RBBP4: variants seen among roughly 807,000 people sequenced by gnomAD.
The protein encoded by RBBP4 is RB binding protein 4, chromatin remodeling factor, also known as histone-binding protein RBBP4.
A neutral mutation model predicts 57.2 loss-of-function variants in RBBP4; 3 were observed. The ratio of observed to expected loss-of-function variants is 0.05; its 90% CI spans 0.02 to 0.14. The LOEUF is 0.14. Ranked by LOEUF, RBBP4 falls within the 10% of genes least tolerant of loss-of-function variation. The probability of loss-of-function intolerance (pLI) is 1.00; values close to 1 mark genes in which losing one functional copy is unlikely to be tolerated. For missense variants in RBBP4, 107 were observed against 520.6 expected (o/e 0.21, Z 7.73); for synonymous variants, 151 against 171.5 (o/e 0.88, Z 0.93).
At chr1:32,664,151 A>C (rs1648548033) in intron 3 of RBBP4, among the ~76,000 whole-genome samples, 1 of 152,074 alleles carries the variant, frequency 6.6e-6, no homozygotes, top group Non-Finnish European at 1.5e-5. Context: ...CATAGTCTTG[A>C]TCTCCTGAAC....
In RBBP4 at chr1:32,680,246, G is replaced by A. The variant is rs777880789; in HGVS notation, c.*541G>A. 13 of 1,168,790 alleles carry A rather than the reference G, an allele frequency of 1.1e-5. No individual in the cohort carries two copies. The highest frequency in any genetic ancestry group is 3.5e-4 in the Middle Eastern group (1 of 2,840). 72.4% of individuals were successfully genotyped at this position (1,168,790 alleles called of 1,614,324 possible). ...TTCTTCAGTTAAGTCAAAACAACAC[G>A]TTCCTCTTTCCCCATATATTCATAT... On this transcript the variant is annotated 3_prime_UTR_variant, in exon 12 of 12. Coordinates refer to ENST00000373493, the MANE Select transcript of RBBP4 (RefSeq NM_005610.3).
In RBBP4 at chr1:32,668,768, C is replaced by T; in HGVS notation, c.514C>T (p.Arg172Cys). Reference sequence around the variant, plus strand: ...TTCTGGAGAGTGCAACCCAGACTTGCGTCTCCGTGGACATCAGAAGGAAGG... The same window carrying T: ...TTCTGGAGAGTGCAACCCAGACTTGTGTCTCCGTGGACATCAGAAGGAAGG... ...DPSGECNPDL[R>C]LRGHQKEGYG... The change falls in exon 5 of 12, where the codon CGT becomes TGT. Residue 172 changes from arginine (R) to cysteine (C), a missense_variant. By Grantham distance (180) the Arg-to-Cys change is radical. Coordinates refer to ENST00000373493, the MANE Select transcript of RBBP4 (RefSeq NM_005610.3). The T allele has an allele frequency of 6.2e-7, 1 of 1,613,194 alleles. No individual in the cohort carries two copies. The highest frequency in any genetic ancestry group is 1.1e-5 in the South Asian group (1 of 91,024).
chr1:32,681,627 C>T lies in RBBP4; in HGVS notation c.*1922C>T. Reference sequence around the variant, plus strand: ...GGTGCATTGAGATCAGTATCAACAGCAGATGAAATAGAATCCAGCAAAGAG... The same window carrying T: ...GGTGCATTGAGATCAGTATCAACAGTAGATGAAATAGAATCCAGCAAAGAG... On this transcript the variant is annotated 3_prime_UTR_variant, in exon 12 of 12. Coordinates refer to ENST00000373493, the MANE Select transcript of RBBP4 (RefSeq NM_005610.3). 3.1e-6 allele frequency: 2 copies of T among 640,020 alleles called. No individual in the cohort carries two copies. Among genetic ancestry groups the T allele is most frequent in the South Asian group, 2.0e-5 (1 of 50,498 alleles). The allele number at this position is 640,020 out of a possible 1,614,324, so 39.6% of individuals were successfully genotyped here.
intron 3 of RBBP4, among the ~76,000 whole-genome samples, chr1:32,662,609 C>T (rs1197826056): frequency 3.3e-5 from 5 of 150,386 alleles, no homozygotes; most frequent in African/African-American, 7.3e-5. Context: ...CTCCTGACCT[C>T]GTGATCCACC....
chr1:32,682,809 A>G lies in RBBP4; in HGVS notation c.*3104A>G, dbSNP rs557141683. 1 of 152,246 alleles carries G rather than the reference A, an allele frequency of 6.6e-6. No individual in the cohort carries two copies. The highest frequency in any genetic ancestry group is 6.5e-5 in the Admixed American group (1 of 15,278). 9.4% of individuals were successfully genotyped at this position (152,246 alleles called of 1,614,324 possible). On this transcript the variant is annotated 3_prime_UTR_variant, in exon 12 of 12. Transcript: ENST00000373493. ...TTGTGAATTTGATGTAAGCTTAGGA[A>G]ATGAATAAAATTTATAGGCATCTGT...
At chr1:32,675,051 A>C (rs1326570373) in intron 11 of RBBP4, among the ~76,000 whole-genome samples, 1 of 149,920 alleles carries the variant, frequency 6.7e-6, no homozygotes, top group Non-Finnish European at 1.5e-5. Flanking sequence ...TATTTTTGAG[A>C]CGGAGTTTTG....
Position 32,672,946 on chromosome 1 carries a change from CAT to C in RBBP4, c.1212+47_1212+48del, listed in dbSNP as rs747164419. The C allele has an allele frequency of 2.3e-5, 32 of 1,405,994 alleles. No homozygotes were observed. The South Asian group carries it at 3.7e-4, about 16-fold the overall frequency. 87.1% of individuals were successfully genotyped at this position (1,405,994 alleles called of 1,614,324 possible). ...TTTTGGGGAGGTGAAATAAGTGAGA[CAT>C]AGAATCAATTTACATTTGTATATTT... On this transcript the variant is annotated intron_variant, in intron 11 of 11. Transcript: ENST00000373493.
rs549213457 is a variant in RBBP4 at position 32,685,880 on chromosome 1, A to G, written c.*6175A>G. The G allele has an allele frequency of 1.4e-4, 22 of 152,346 alleles. No homozygotes were observed. The highest frequency in any genetic ancestry group is 5.3e-4 in the African/African-American group (22 of 41,584). The allele number at this position is 152,346 out of a possible 1,614,324, so 9.4% of individuals were successfully genotyped here. ...TTAATCCTGTGTTAACCACTAGATT[A>G]ACTTTACAATCAACTCAAAATCCTT... On this transcript the variant is annotated 3_prime_UTR_variant, in exon 12 of 12. Coordinates refer to ENST00000373493, the MANE Select transcript of RBBP4 (RefSeq NM_005610.3).
At chr1:32,676,080 C>T (rs889763584) in intron 11 of RBBP4, among the ~76,000 whole-genome samples, 1 of 151,950 alleles carries the variant, frequency 6.6e-6, no homozygotes. Context: ...GAGGCCGTGA[C>T]AGAAGGATCC....
rs1557849830 is a variant in RBBP4 at position 32,653,656 on chromosome 1, TTTTGTTTTTG to T, written c.164+1599_164+1608del. Reference sequence around the variant, plus strand: ...TTTCTGGTTTTTTTTTTTTTTTTTTTTTTGTTTTTGTTTTTTTTTTTGAGACGGAGTCTCC... The same window carrying T: ...TTTCTGGTTTTTTTTTTTTTTTTTTTTTTTTTTTTTTGAGACGGAGTCTCC... On this transcript the variant is annotated intron_variant, in intron 2 of 11. Transcript: ENST00000373493. 1.3e-4 allele frequency among the ~76,000 whole-genome samples: 6 copies of T among 44,578 alleles called. 1 individual carries two copies. Among genetic ancestry groups the T allele is most frequent in the South Asian group, 1.6e-3 (2 of 1,216 alleles). 29.2% of individuals were successfully genotyped at this position (44,578 alleles called of 152,430 possible).
In RBBP4 at chr1:32,684,161, CTTTTTG is replaced by C. The variant is rs1313862686; in HGVS notation, c.*4463_*4468del. 4.4e-6 allele frequency: 7 copies of C among 1,605,996 alleles called. No homozygotes were observed. The highest frequency in any genetic ancestry group is 4.0e-5 in the African/African-American group (3 of 74,454). The stretch of plus-strand genomic sequence containing the variant: ...ATTTGAAAATCATTTCCCAAATCCT[CTTTTTG>C]TTTTTGATTCTAAGGTAAAATTTTC... On this transcript the variant is annotated 3_prime_UTR_variant, in exon 12 of 12. Transcript: ENST00000373493.
intron 2 of RBBP4, among the ~76,000 whole-genome samples, chr1:32,654,582 A>C (rs947516628): frequency 1.3e-5 from 2 of 152,328 alleles, no homozygotes; most frequent in African/African-American, 4.8e-5. Flanking sequence ...TAGGTTTCGA[A>C]AGCAAGAATT....
At chr1:32,664,227 A>G (rs1648551282) in intron 3 of RBBP4, among the ~76,000 whole-genome samples, 1 of 152,150 alleles carries the variant, frequency 6.6e-6, no homozygotes, top group African/African-American at 2.4e-5. Flanking sequence ...AAGTTCTGAT[A>G]ACCCAGTAAC....
chr1:32,665,706 G>A (rs1447955549), intron 3 of RBBP4, among the ~76,000 whole-genome samples: 1 of 145,756 alleles, frequency 6.9e-6, no homozygotes, highest in Non-Finnish European at 1.5e-5. Flanking sequence ...GCACTATATA[G>A]CAATGCAATT....
chr1:32,671,524 A>C (rs552873463), intron 8 of RBBP4, among the ~76,000 whole-genome samples: 30 of 152,080 alleles, frequency 2.0e-4, no homozygotes, highest in Non-Finnish European at 4.3e-4. Flanking sequence ...AGGAGATTGC[A>C]GTGAACTGAG....
chr1:32,664,418 G>T (rs1648559783), intron 3 of RBBP4, among the ~76,000 whole-genome samples: 1 of 151,922 alleles, frequency 6.6e-6, no homozygotes, highest in South Asian at 2.1e-4. Context: ...TTTGTTATTG[G>T]TGCCTCTTTT....
chr1:32,669,603 A>T lies in RBBP4; in HGVS notation c.966+40A>T. 7 of 1,578,092 alleles carry T rather than the reference A, an allele frequency of 4.4e-6. No individual in the cohort carries two copies. The highest frequency in any genetic ancestry group is 6.0e-6 in the Non-Finnish European group (7 of 1,166,642). On this transcript the variant is annotated intron_variant, in intron 8 of 11. Transcript: ENST00000373493. This position sits in a 1 kb window ranked among gnomAD's most constrained non-coding sequence, Gnocchi z 4.9. ...TGCTACTATTTTGTTTGTTTTAAGA[A>T]AAACCTGCTGGGCGCGGTCGCTCAC... is the stretch of plus-strand genomic sequence containing the variant.
chr1:32,653,925 T>G (rs1208599265), intron 2 of RBBP4, among the ~76,000 whole-genome samples: 1 of 152,046 alleles, frequency 6.6e-6, no homozygotes, highest in African/African-American at 2.4e-5. Flanking sequence ...TCCAAAGTGC[T>G]GGGATTACAG....
rs1294900277 is a variant in RBBP4, at chr1:32,681,762, G to T, written c.*2057G>T. 1 of 1,607,684 alleles carries T rather than the reference G, an allele frequency of 6.2e-7. No individual in the cohort carries two copies. Among genetic ancestry groups the T allele is most frequent in the East Asian group, 2.2e-5 (1 of 44,846 alleles). On this transcript the variant is annotated 3_prime_UTR_variant, in exon 12 of 12. Transcript: ENST00000373493. ...GCCAAGTTTCTGGCACTCTTGTCTG[G>T]TTGGAAGAGTACATCCAAAGGGTAC... is the stretch of plus-strand genomic sequence containing the variant.
Sources: gnomAD v4.1 joint callset for allele counts (sites outside exome capture counted in the v4.1 genomes callset) on GRCh38, gnomAD v4.1.1 for gene constraint, Gnocchi (gnomAD v3.1) non-coding constraint, MANE v1.5 for transcripts, NCBI Gene and HGNC (gene_info 2026-07-23, HGNC 2026-07-21) for gene names.